Variants in ZFHX3 observed in about 807,000 individuals in gnomAD.
ZFHX3 encodes the protein zinc finger homeobox 3.
Under a neutral mutation model 279.1 loss-of-function variants are expected in ZFHX3, and 42 were observed. That is an observed-to-expected ratio of 0.15 (90% CI 0.12 to 0.19). The LOEUF (loss-of-function observed/expected upper bound fraction) is 0.19. ZFHX3 is among the 10% of genes least tolerant of loss of function. The pLI is 1.00. For synonymous variants in ZFHX3, 2,293 were observed against 1,957.8 expected (o/e 1.17, Z -4.52); for missense variants, 4,981 against 4,754.0 (o/e 1.05, Z -1.40).
Position 73,463,281 on chromosome 16 carries a change from C to T in ZFHX3, c.-1546-7023G>A, listed in dbSNP as rs533924883. Reference sequence around the variant, plus strand: ...AATCCCATTAAGAAAGTGATATTGTCCCCTCAACTTTACAGAAAAGAAAAC... The same window carrying T: ...AATCCCATTAAGAAAGTGATATTGTTCCCTCAACTTTACAGAAAAGAAAAC... On this transcript the variant is annotated intron_variant, in intron 2 of 17. Transcript: ENST00000641206. 3.3e-5 allele frequency among the ~76,000 whole-genome samples: 5 copies of T among 152,296 alleles called. No homozygotes were observed. In the East Asian group the frequency reaches 9.7e-4, roughly 29 times the overall value.
At position 73,857,488 on chromosome 16, in the gene ZFHX3, T is replaced by C. The variant is rs1961764952; in HGVS notation, c.-1608+34163A>G. 3.3e-5 allele frequency among the ~76,000 whole-genome samples: 5 copies of C among 152,186 alleles called. No individual in the cohort carries two copies. The South Asian group carries it at 1.0e-3, about 32-fold the overall frequency. On this transcript the variant is annotated intron_variant, in intron 1 of 17. Transcript: ENST00000641206. ...CAATCAAAGACTACAGTTTCCCCTTTGTTCTTAGACCTCCTTATTACACCA... is the reference window on the plus strand; with the variant it reads ...CAATCAAAGACTACAGTTTCCCCTTCGTTCTTAGACCTCCTTATTACACCA...
chr16:72,845,262 C>T (rs996260499), intron 4 of ZFHX3, among the ~76,000 whole-genome samples: 1 of 152,144 alleles, frequency 6.6e-6, no homozygotes, highest in African/African-American at 2.4e-5. Flanking sequence ...AACACTGGAA[C>T]CCCCTCCCCC....
At chr16:73,300,283 AAG>A (rs200988847) in intron 4 of ZFHX3, among the ~76,000 whole-genome samples, 15,379 of 137,910 alleles carry the variant, frequency 0.11, 912 homozygotes, top group South Asian at 0.23. Flanking sequence ...AAAAAAAAAA[AAG>A]GACTCCCTGA....
At chr16:72,977,871 C>CTT (rs549728369) in intron 1 of ZFHX3, among the ~76,000 whole-genome samples, 9 of 148,108 alleles carry the variant, frequency 6.1e-5, no homozygotes, top group African/African-American at 2.0e-4. Flanking sequence ...TTTCTTTTTT[C>CTT]TTTTTTTTTT....
At chr16:73,875,698 A>T (rs2029924929) in intron 1 of ZFHX3, among the ~76,000 whole-genome samples, 1 of 152,206 alleles carries the variant, frequency 6.6e-6, no homozygotes, top group African/African-American at 2.4e-5. Context: ...GTTTCTCCAA[A>T]GTGCTTAAAT....
intron 5 of ZFHX3, among the ~76,000 whole-genome samples, chr16:73,244,204 T>C (rs747384352): frequency 4.6e-5 from 7 of 152,018 alleles, no homozygotes; most frequent in Non-Finnish European, 1.0e-4. Context: ...TATTTTTGAG[T>C]GGCAGATGAA....
In ZFHX3 at chr16:73,820,699, T is replaced by C. The variant is rs563676006; in HGVS notation, c.-1608+70952A>G. On this transcript the variant is annotated intron_variant, in intron 1 of 17. Coordinates refer to the ZFHX3 transcript ENST00000641206. ...CAGACTCATGAGAGATATATAATAA[T>C]AGTTATTTTAAGCCACCAAGCTCTT... Among the ~76,000 whole-genome samples, 9 of 152,028 alleles carry C rather than the reference T, an allele frequency of 5.9e-5. No homozygotes were observed. The East Asian group carries it at 1.7e-3, about 30-fold the overall frequency.
chr16:73,817,525 G>T (rs144373334), intron 1 of ZFHX3, among the ~76,000 whole-genome samples: 8 of 152,152 alleles, frequency 5.3e-5, no homozygotes, highest in African/African-American at 1.7e-4. Context: ...TCTTAAAATC[G>T]CGGTTCTGAC....
Position 72,787,647 on chromosome 16 carries a change from A to C in ZFHX3, c.10629T>G (p.Ala3543=). Residue 3543 remains alanine, a synonymous_variant, in exon 10 of 10, where the codon GCT becomes GCG. Coordinates refer to ENST00000268489, the MANE Select transcript of ZFHX3 (RefSeq NM_006885.4). ...AGGCCGACTCGAGATGTTGACTCAG[A>C]GCTTCCTCCCCACAGAGCGCGCTCT... ...ACESALCGEE[A]LSQHLESALH... The C allele has an allele frequency of 6.2e-7, 1 of 1,609,366 alleles. No individual in the cohort carries two copies. Among genetic ancestry groups the C allele is most frequent in the Non-Finnish European group, 8.5e-7 (1 of 1,177,646 alleles).
At chr16:73,777,910 CA>C (rs1174966809) in intron 1 of ZFHX3, among the ~76,000 whole-genome samples, 4 of 151,950 alleles carry the variant, frequency 2.6e-5, no homozygotes, top group African/African-American at 7.3e-5. Flanking sequence ...TGGAATGTCA[CA>C]AAATAGCAAA....
At chr16:73,376,353 G>A (rs555726602) in intron 3 of ZFHX3, among the ~76,000 whole-genome samples, 1 of 152,148 alleles carries the variant, frequency 6.6e-6, no homozygotes, top group Admixed American at 6.5e-5. Context: ...TGTAGAAAAT[G>A]CTTGCAAAAT....
chr16:73,126,028 C>G (rs1051849904), intron 7 of ZFHX3, among the ~76,000 whole-genome samples: 12 of 152,018 alleles, frequency 7.9e-5, no homozygotes, highest in African/African-American at 2.9e-4. Context: ...GTTTCTTAGG[C>G]ACATAGCTGA....
At chr16:72,841,244 C>A (rs77229056) in intron 4 of ZFHX3, among the ~76,000 whole-genome samples, 2,668 of 152,266 alleles carry the variant, frequency 0.018, 71 homozygotes, top group African/African-American at 0.058. Context: ...CATCCAGTCC[C>A]CAAGCATGCA....
intron 1 of ZFHX3, among the ~76,000 whole-genome samples, chr16:72,979,758 GAAAGA>G (rs1962504609): frequency 6.6e-6 from 1 of 151,898 alleles, no homozygotes; most frequent in African/African-American, 2.4e-5. Context: ...GGCAAAAGAA[GAAAGA>G]AAAAACAAAA....
intron 1 of ZFHX3, among the ~76,000 whole-genome samples, chr16:73,792,863 C>G (rs959373346): frequency 1.0e-4 from 15 of 147,626 alleles, no homozygotes; most frequent in Admixed American, 2.7e-4. Flanking sequence ...TGCACCCCCC[C>G]CCTCCCCTCT....
intron 1 of ZFHX3, among the ~76,000 whole-genome samples, chr16:73,759,229 T>G (rs1279140602): frequency 6.6e-6 from 1 of 152,204 alleles, no homozygotes; most frequent in African/African-American, 2.4e-5. Context: ...TCTCTCTTGA[T>G]GCTTTGCCGT....
chr16:73,705,732 C>A (rs2053296991), intron 1 of ZFHX3, among the ~76,000 whole-genome samples: 1 of 152,182 alleles, frequency 6.6e-6, no homozygotes, highest in Non-Finnish European at 1.5e-5. Flanking sequence ...CTCCACTCCA[C>A]AAATCATTAC....
rs755852557 is a variant in ZFHX3, at chr16:72,787,505, C to T, written c.10771G>A (p.Ala3591Thr). ...GGAGGGGGGCTGTCGTTTGAGTGAG[C>T]GGCAGACTGCGAGGTAGATGCGGTG... ...PSTASTSQSA[A>T]HSNDSPPPPS... Residue 3591 changes from alanine to threonine, a missense_variant, in exon 10 of 10, where the codon GCT becomes ACT. Ala to Thr is a moderately conservative substitution (Grantham distance 58, BLOSUM62 0). Coordinates refer to ENST00000268489, the MANE Select transcript of ZFHX3 (RefSeq NM_006885.4). The T allele has an allele frequency of 5.6e-6, 9 of 1,613,664 alleles. No homozygotes were observed. In the South Asian group the frequency reaches 7.7e-5, roughly 14 times the overall value.
chr16:73,822,359 A>C (rs1372250595), intron 1 of ZFHX3, among the ~76,000 whole-genome samples: 2 of 152,180 alleles, frequency 1.3e-5, no homozygotes, highest in East Asian at 3.9e-4. Flanking sequence ...TAAGAAGCCT[A>C]AGTTTCAAAG....
Sources: allele counts gnomAD v4.1 joint callset (sites outside exome capture counted in the v4.1 genomes callset), GRCh38; gene constraint gnomAD v4.1.1; transcripts MANE v1.5; gene names NCBI Gene and HGNC (gene_info 2026-07-23, HGNC 2026-07-21).